Variants in TSPAN11 observed in about 807,000 individuals in gnomAD.
TSPAN11 encodes the protein tetraspanin 11.
In TSPAN11, 29 loss-of-function variants were observed where a neutral mutation model predicts 32.9. That is an observed-to-expected ratio of 0.88 (90% CI 0.66 to 1.20). The LOEUF (loss-of-function observed/expected upper bound fraction) is 1.20, where lower values mean the gene tolerates loss of function less well. Among genes scored for constraint, TSPAN11 ranks in the 50% most tolerant of loss-of-function variants. The probability of loss-of-function intolerance (pLI) is 0.00; values close to 1 mark genes in which losing one functional copy is unlikely to be tolerated. For synonymous variants in TSPAN11, 140 were observed against 141.3 expected (o/e 0.99, Z 0.07); for missense variants, 283 against 329.1 (o/e 0.86, Z 1.08).
chr12:30,991,800 G>A (rs61916754), intron 7 of TSPAN11, 56 bp from the exon 8 acceptor site: 143,593 of 1,601,282 alleles, frequency 0.09, 7,232 homozygotes, highest in Middle Eastern at 0.18. Context: ...CCTGAGGGCC[G>A]GCAGCTTCCA....
At chr12:31,007,789 C>T in the TSPAN11 span, among the ~76,000 whole-genome samples, 2 of 152,200 alleles carry the variant, frequency 1.3e-5, no homozygotes, top group Non-Finnish European at 2.9e-5. Flanking sequence ...ATGAACCTGC[C>T]AAGAACTTCG....
In TSPAN11 at chr12:30,944,339, C is replaced by G. The variant is rs11051177; in HGVS notation, c.-11-9642C>G. Among the ~76,000 whole-genome samples, 887 of 152,236 alleles carry G rather than the reference C, an allele frequency of 5.8e-3. 7 individuals are homozygous for G. Among genetic ancestry groups the G allele is most frequent in the Non-Finnish European group, 9.2e-3 (624 of 68,014 alleles). On this transcript the variant is annotated intron_variant, in intron 1 of 7. Coordinates refer to ENST00000546076, the MANE Select transcript of TSPAN11 (RefSeq NM_001370302.1). Reference sequence around the variant, plus strand: ...CAATGGATCTCTTGAACTTATTCCTCTTGTCTAAAAATTCTGTACCCTTTG... The same window carrying G: ...CAATGGATCTCTTGAACTTATTCCTGTTGTCTAAAAATTCTGTACCCTTTG...
intron 3 of TSPAN11, among the ~76,000 whole-genome samples, chr12:30,972,982 A>G (rs1469142754): frequency 6.6e-6 from 1 of 151,876 alleles, no homozygotes; most frequent in Non-Finnish European, 1.5e-5. Flanking sequence ...ACCTCTCCTG[A>G]CACTCTGTCC....
chr12:30,957,124 C>T (rs915591576), intron 2 of TSPAN11, among the ~76,000 whole-genome samples: 35 of 152,318 alleles, frequency 2.3e-4, no homozygotes, highest in Admixed American at 7.2e-4. Context: ...ACATCAACAT[C>T]CCACTGAACG....
chr12:30,976,238 G>A (rs569637832), intron 3 of TSPAN11, among the ~76,000 whole-genome samples: 1 of 152,306 alleles, frequency 6.6e-6, no homozygotes, highest in African/African-American at 2.4e-5. Context: ...GAGGGCAGGA[G>A]GCGGGTTAGA....
intron 1 of TSPAN11, among the ~76,000 whole-genome samples, chr12:30,942,517 A>G (rs1490840056): frequency 6.6e-6 from 1 of 152,194 alleles, no homozygotes; most frequent in Non-Finnish European, 1.5e-5. Flanking sequence ...CAGCTTTTAA[A>G]AAAGAAAAAA....
chr12:30,972,643 A>G (rs1938873921), intron 3 of TSPAN11, among the ~76,000 whole-genome samples: 1 of 152,272 alleles, frequency 6.6e-6, no homozygotes, highest in Middle Eastern at 3.4e-3. Flanking sequence ...TTCTGAGGTA[A>G]GAGCAGGCTG....
At chr12:31,005,008 CCT>C in the TSPAN11 span, among the ~76,000 whole-genome samples, 24 of 152,352 alleles carry the variant, frequency 1.6e-4, no homozygotes, top group African/African-American at 4.1e-4. Flanking sequence ...TGGCAGGACC[CCT>C]GTGTCCTCTC....
the TSPAN11 span, among the ~76,000 whole-genome samples, chr12:31,016,058 C>T: frequency 1.3e-5 from 2 of 152,194 alleles, no homozygotes; most frequent in African/African-American, 2.4e-5. Context: ...AGGAGGATAA[C>T]CAGAGGCCAG....
At chr12:30,999,377 GAA>G (rs894934416), downstream of TSPAN11, 2 of 151,996 alleles carry the variant, frequency 1.3e-5, no homozygotes, top group African/African-American at 4.8e-5. Flanking sequence ...AGAAATAAAA[GAA>G]AATATCAAGA....
At chr12:30,978,767 T>TC in intron 4 of TSPAN11, 132 bp downstream of exon 4, 1 of 817,544 alleles carries the variant, frequency 1.2e-6, no homozygotes, top group Non-Finnish European at 2.1e-6. Context: ...GCCCCGGCAA[T>TC]CCCCCTACAT....
At chr12:30,955,507 C>T (rs1260584278) in intron 2 of TSPAN11, among the ~76,000 whole-genome samples, 1 of 152,122 alleles carries the variant, frequency 6.6e-6, no homozygotes, top group African/African-American at 2.4e-5. Context: ...TAAAAAGTAT[C>T]GTAAAATAAA....
Position 30,954,048 on chromosome 12 carries a change from A to G in TSPAN11, c.57A>G (p.Leu19=). 1 of 1,612,330 alleles carries G rather than the reference A, an allele frequency of 6.2e-7. No individual in the cohort carries two copies. Among genetic ancestry groups the G allele is most frequent in the Non-Finnish European group, 8.5e-7 (1 of 1,179,522 alleles). The change falls in exon 2 of 8, where the codon TTA becomes TTG. Residue 19 remains leucine (L), a synonymous_variant. Transcript: ENST00000546076. ...GGCTGATCATCTACTTGAAGTATTT[A>G]CTCTTTGTCTTCAACTTCTTCTTCT... The part of the protein sequence containing the change: ...DDWLIIYLKY[L]LFVFNFFFWV...
Position 30,970,402 on chromosome 12 carries a change from G to A in TSPAN11, c.276+6385G>A, listed in dbSNP as rs563267390. On this transcript the variant is annotated intron_variant, in intron 3 of 7. Transcript: ENST00000546076. ...GTGTTCTCCTTCCATGACCCTCACC[G>A]CCCACTGGAACACACACAGTGTGAT... Among the ~76,000 whole-genome samples, 15 of 152,172 alleles carry A rather than the reference G, an allele frequency of 9.9e-5. No individual in the cohort carries two copies. The South Asian group carries it at 1.9e-3, about 19-fold the overall frequency.
intron 4 of TSPAN11, among the ~76,000 whole-genome samples, chr12:30,979,222 A>T (rs1486523820): frequency 6.6e-6 from 1 of 152,210 alleles, no homozygotes; most frequent in African/African-American, 2.4e-5. Flanking sequence ...ATCACAGTTA[A>T]GATCAACAGA....
the TSPAN11 span, among the ~76,000 whole-genome samples, chr12:31,011,215 G>A: frequency 6.6e-6 from 1 of 152,158 alleles, no homozygotes. Context: ...CCAACATGGT[G>A]AAACCCCATC....
rs372660360 is a variant in TSPAN11 at position 30,963,963 on chromosome 12, C to A, written c.222C>A (p.Thr74=). ...LIFAGVLVMV[T]GFLGFGAILW... is the part of the protein sequence containing the mutation. ...TTGCGGGCGTACTTGTCATGGTGAC[C>A]GGCTTCCTGGGCTTCGGTGCCATCC... The change falls in exon 3 of 8, where the codon ACC becomes ACA. Residue 74 remains threonine (T), a synonymous_variant. Coordinates refer to ENST00000546076, the MANE Select transcript of TSPAN11 (RefSeq NM_001370302.1). 17 of 1,614,056 alleles carry A rather than the reference C, an allele frequency of 1.1e-5. No individual in the cohort carries two copies. Among genetic ancestry groups the A allele is most frequent in the African/African-American group, 1.3e-5 (1 of 75,034 alleles).
rs1377322036 is a variant in TSPAN11, at chr12:30,963,809, C to T, written c.85-17C>T. ...GGCCCCCGCCACCCCCTGCTCTAAC[C>T]CGGTGGTCTCCTGCAGGTCGGGGGA... is the stretch of plus-strand genomic sequence containing the variant. On this transcript the variant is annotated splice_polypyrimidine_tract_variant and intron_variant, in intron 2 of 7. Transcript: ENST00000546076. 1 of 1,602,832 alleles carries T rather than the reference C, an allele frequency of 6.2e-7. No homozygotes were observed. Among genetic ancestry groups the T allele is most frequent in the African/African-American group, 1.3e-5 (1 of 74,918 alleles).
At chr12:30,971,289 G>A (rs1161751282) in intron 3 of TSPAN11, among the ~76,000 whole-genome samples, 1 of 152,188 alleles carries the variant, frequency 6.6e-6, no homozygotes, top group East Asian at 1.9e-4. Flanking sequence ...TCAATCCAAT[G>A]GAGAAATTTT....
Sources: gnomAD v4.1 joint callset for allele counts (sites outside exome capture counted in the v4.1 genomes callset) on GRCh38, gnomAD v4.1.1 for gene constraint, MANE v1.5 for transcripts, NCBI Gene and HGNC (gene_info 2026-07-23, HGNC 2026-07-21) for gene names.